Variants in SLC39A10 observed in about 807,000 individuals in gnomAD.
The protein encoded by SLC39A10 is zinc transporter ZIP10.
In SLC39A10, 13 loss-of-function variants were observed where a neutral mutation model predicts 65.1. That is an observed-to-expected ratio of 0.20 (90% confidence interval 0.13 to 0.32). The LOEUF (loss-of-function observed/expected upper bound fraction) is 0.32. SLC39A10 is among the 10% of genes least tolerant of loss of function. The pLI is 1.00. For synonymous variants in SLC39A10, 321 were observed against 342.2 expected (o/e 0.94, Z 0.68); for missense variants, 831 against 1,018.4 (o/e 0.82, Z 2.50).
rs1690430946 is a variant in SLC39A10 at position 195,683,986 on chromosome 2, T to C, written c.1216+80T>C. On this transcript the variant is annotated intron_variant, in intron 3 of 9. Coordinates refer to ENST00000359634, the MANE Select transcript of SLC39A10 (RefSeq NM_020342.3). The stretch of plus-strand genomic sequence containing the variant: ...AAACTATAGTTGAATTAGAAAAGAA[T>C]CCTAAATTATTGACTTTCTTTTGTT... 4.2e-6 allele frequency: 4 copies of C among 960,948 alleles called. No homozygotes were observed. In the Admixed American group the frequency reaches 8.1e-5, roughly 20 times the overall value. The allele number at this position is 960,948 out of a possible 1,614,324, so 59.5% of individuals were successfully genotyped here.
intron 4 of SLC39A10, among the ~76,000 whole-genome samples, chr2:195,708,048 C>T (rs1233012282): frequency 6.6e-6 from 1 of 152,112 alleles, no homozygotes; most frequent in Admixed American, 6.6e-5. Flanking sequence ...AGGATACCCT[C>T]TTGCTAACTT....
At position 195,680,872 on chromosome 2, in the gene SLC39A10, ATTCTCATGT is replaced by A. The variant is rs745362230; in HGVS notation, c.831_839del (p.His277_Val280delinsGln). On this transcript the variant is annotated inframe_deletion, in exon 2 of 10. Coordinates refer to ENST00000359634, the MANE Select transcript of SLC39A10 (RefSeq NM_020342.3). ...CCTGATCGTGTACATAACCCAGGTC[ATTCTCATGT>A]ACATCTTCCAGAACGTAATGGTCAT... 14 of 1,614,170 alleles carry A rather than the reference ATTCTCATGT, an allele frequency of 8.7e-6. No individual in the cohort carries two copies. The highest frequency in any genetic ancestry group is 1.3e-5 in the African/African-American group (1 of 75,038).
rs1690243290 is a variant in SLC39A10, at chr2:195,680,112, C to G, written c.70C>G (p.His24Asp). The G allele has an allele frequency of 6.2e-7, 1 of 1,612,612 alleles. No individual in the cohort carries two copies. Among genetic ancestry groups the G allele is most frequent in the South Asian group, 1.1e-5 (1 of 90,380 alleles). Residue 24 changes from histidine to aspartate, a missense_variant, in exon 2 of 10, where the codon CAT becomes GAT. By Grantham distance (81) the His-to-Asp change is moderately conservative. Transcript: ENST00000359634. Reference sequence around the variant, plus strand: ...GACATTTATTTTTCATCATTGCAACCATTGCCATGAAGAACATGACCATGG... The same window carrying G: ...GACATTTATTTTTCATCATTGCAACGATTGCCATGAAGAACATGACCATGG... ...LLTFIFHHCNHCHEEHDHGPE... is the reference protein window; with the variant it reads ...LLTFIFHHCNDCHEEHDHGPE...
intron 3 of SLC39A10, among the ~76,000 whole-genome samples, chr2:195,690,812 A>G (rs971050093): frequency 3.9e-5 from 6 of 151,964 alleles, no homozygotes; most frequent in African/African-American, 1.5e-4. Flanking sequence ...CTCCCATTTT[A>G]TGTATTGCCT....
intron 2 of SLC39A10, among the ~76,000 whole-genome samples, chr2:195,632,290 CTTTTTTTTTT>C (rs202193660): frequency 1.4e-4 from 10 of 69,254 alleles, no homozygotes; most frequent in South Asian, 6.1e-4. Flanking sequence ...ATTCTACTTC[CTTTTTTTTTT>C]TTTTTTTTTT....
chr2:195,733,532 C>A (rs1319148070), intron 9 of SLC39A10, among the ~76,000 whole-genome samples: 1 of 151,758 alleles, frequency 6.6e-6, no homozygotes, highest in Non-Finnish European at 1.5e-5. Context: ...ATAAACTTTT[C>A]TTTTCTTTTT....
At chr2:195,619,509 C>T (rs977024425) in intron 2 of SLC39A10, among the ~76,000 whole-genome samples, 6 of 152,224 alleles carry the variant, frequency 3.9e-5, no homozygotes, top group African/African-American at 1.2e-4. Flanking sequence ...TTGCATTTGC[C>T]TAACACAGGG....
chr2:195,659,355 GT>G (rs1689290976), intron 1 of SLC39A10, among the ~76,000 whole-genome samples: 2 of 152,096 alleles, frequency 1.3e-5, no homozygotes, highest in African/African-American at 4.8e-5. Context: ...AGCTAACACG[GT>G]CCTTCCCTTT....
chr2:195,640,348 A>AG (rs1688782633), intron 2 of SLC39A10, among the ~76,000 whole-genome samples: 1 of 152,048 alleles, frequency 6.6e-6, no homozygotes, highest in South Asian at 2.1e-4. Flanking sequence ...AAGAAAAAAA[A>AG]AAAAAAAACC....
chr2:195,640,386 A>G (rs1203118584), intron 2 of SLC39A10, among the ~76,000 whole-genome samples: 4 of 151,850 alleles, frequency 2.6e-5, no homozygotes, highest in Non-Finnish European at 5.9e-5. Context: ...ATCAAATTGG[A>G]TGAACACCGA....
rs1225404269 is a variant in SLC39A10 at position 195,680,565 on chromosome 2, A to G, written c.523A>G (p.Asn175Asp). The G allele has an allele frequency of 6.2e-7, 1 of 1,614,148 alleles. No homozygotes were observed. The highest frequency in any genetic ancestry group is 1.7e-5 in the Admixed American group (1 of 60,020). The change falls in exon 2 of 10, where the codon AAT becomes GAT. Residue 175 changes from asparagine to aspartate, a missense_variant. Coordinates refer to ENST00000359634, the MANE Select transcript of SLC39A10 (RefSeq NM_020342.3). ...KSDDKHMHDH[N>D]HRLRHHHRLH... ...TGATGATAAACATATGCATGACCAT[A>G]ATCACCGCCTACGTCATCACCATCG...
Position 195,680,456 on chromosome 2 carries a change from A to T in SLC39A10, c.414A>T (p.Glu138Asp), listed in dbSNP as rs141818641. ...ATTCCCATAATCATTTAAATTCAGA[A>T]AATCAAACTGTGACCAGTGTATCCA... ...HQHSHNHLNS[E>D]NQTVTSVSTK... The change falls in exon 2 of 10, where the codon GAA (glutamate) becomes GAT (aspartate). Residue 138 changes from glutamate to aspartate, a missense_variant. Glu to Asp is a conservative substitution (Grantham distance 45). Around this residue, in one of 4 missense-constraint regions of SLC39A10, gnomAD observed 446 missense variants for 499.2 expected, o/e 0.89. Transcript: ENST00000359634. 1.2e-6 allele frequency: 2 copies of T among 1,614,076 alleles called. No individual in the cohort carries two copies. The highest frequency in any genetic ancestry group is 2.7e-5 in the African/African-American group (2 of 74,936).
At chr2:195,668,345 CTG>C (rs1664042248) in intron 1 of SLC39A10, among the ~76,000 whole-genome samples, 1 of 152,158 alleles carries the variant, frequency 6.6e-6, no homozygotes. Context: ...AATTAGGAAA[CTG>C]TATATACATT....
chr2:195,702,855 GTGTTGAGTAT>G (rs1420957292), intron 3 of SLC39A10, among the ~76,000 whole-genome samples: 3 of 152,184 alleles, frequency 2.0e-5, no homozygotes, highest in African/African-American at 7.2e-5. Flanking sequence ...GATGTCTGTG[GTGTTGAGTAT>G]TGTTTGTGCT....
chr2:195,710,665 A>G (rs915048346), intron 5 of SLC39A10, among the ~76,000 whole-genome samples: 1 of 152,194 alleles, frequency 6.6e-6, no homozygotes, highest in African/African-American at 2.4e-5. Context: ...CTTATTTCAA[A>G]TTGTATATTT....
intron 9 of SLC39A10, among the ~76,000 whole-genome samples, chr2:195,734,666 G>A (rs1158621649): frequency 1.3e-5 from 2 of 152,126 alleles, no homozygotes; most frequent in African/African-American, 2.4e-5. Context: ...GGGGGATGAG[G>A]AGGAGGGAAC....
At chr2:195,663,914 A>G (rs1050128353) in intron 1 of SLC39A10, among the ~76,000 whole-genome samples, 8 of 151,724 alleles carry the variant, frequency 5.3e-5, no homozygotes, top group Non-Finnish European at 1.2e-4. Flanking sequence ...GGTACTGAGC[A>G]TGGTGCCCAA....
rs776418221 is a variant in SLC39A10 at position 195,683,916 on chromosome 2, AT to A, written c.1216+14del. 7.5e-6 allele frequency: 12 copies of A among 1,599,588 alleles called. No individual in the cohort carries two copies. Among genetic ancestry groups the A allele is most frequent in the African/African-American group, 6.7e-5 (5 of 74,318 alleles). ...AATATAGGGGCATCAGGTAAGAGAG[AT>A]TTTAAGTTTTTTCTCCTTAAAATAG... On this transcript the variant is annotated intron_variant, in intron 3 of 9. Coordinates refer to ENST00000359634, the MANE Select transcript of SLC39A10 (RefSeq NM_020342.3).
At chr2:195,678,942 G>C (rs965830006) in intron 1 of SLC39A10, among the ~76,000 whole-genome samples, 1 of 151,930 alleles carries the variant, frequency 6.6e-6, no homozygotes, top group Non-Finnish European at 1.5e-5. Flanking sequence ...TACATAATTG[G>C]CTCTTATTAT....
Sources: allele counts gnomAD v4.1 joint callset (sites outside exome capture counted in the v4.1 genomes callset), GRCh38; gene constraint gnomAD v4.1.1; regional missense constraint gnomAD v4.1.1; transcripts MANE v1.5; gene names NCBI Gene and HGNC (gene_info 2026-07-23, HGNC 2026-07-21).